PKN2: variants seen among roughly 807,000 people sequenced by gnomAD.
The protein encoded by PKN2 is serine/threonine-protein kinase N2.
A neutral mutation model predicts 119.1 loss-of-function variants in PKN2; 38 were observed. The observed-to-expected ratio is 0.32, with a 90% CI of 0.25 to 0.42. The LOEUF is 0.42. Ranked by LOEUF, PKN2 falls within the 10% of genes least tolerant of loss-of-function variation. The pLI, the probability that PKN2 is intolerant of heterozygous loss-of-function variation, is 1.00. For missense variants in PKN2, 850 were observed against 1,165.1 expected (o/e 0.73, Z 3.94); for synonymous variants, 390 against 384.9 (o/e 1.01, Z -0.15).
chr1:88,761,461 G>T (rs1352215016), intron 3 of PKN2, among the ~76,000 whole-genome samples: 1 of 150,676 alleles, frequency 6.6e-6, no homozygotes, highest in African/African-American at 2.4e-5. Flanking sequence ...TCTTAATCAT[G>T]CATCCTAACT....
intron 1 of PKN2, among the ~76,000 whole-genome samples, chr1:88,692,898 T>A (rs1666386730): frequency 6.6e-6 from 1 of 152,228 alleles, no homozygotes; most frequent in Non-Finnish European, 1.5e-5. Flanking sequence ...CAGGCTTGTA[T>A]TTAATATCTA....
chr1:88,832,920 C>A (rs1232772396), intron 20 of PKN2, 69 bp downstream of exon 20: 1 of 1,204,474 alleles, frequency 8.3e-7, no homozygotes, highest in South Asian at 1.5e-5. Flanking sequence ...AGAAAATTTC[C>A]CAGTAGAACT....
intron 15 of PKN2, among the ~76,000 whole-genome samples, chr1:88,811,353 A>G (rs1671777059): frequency 6.6e-6 from 1 of 152,212 alleles, no homozygotes; most frequent in Admixed American, 6.5e-5. Context: ...TAAAATAACT[A>G]TTTATATAAG....
chr1:88,790,179 TA>T (rs1557613244), intron 8 of PKN2, among the ~76,000 whole-genome samples: 1 of 152,250 alleles, frequency 6.6e-6, no homozygotes, highest in Non-Finnish European at 1.5e-5. Flanking sequence ...TTTGTTTTAC[TA>T]TCATCTTGAG....
At chr1:88,814,002 A>G (rs190910979) in intron 16 of PKN2, among the ~76,000 whole-genome samples, 476 of 152,204 alleles carry the variant, frequency 3.1e-3, no homozygotes, top group Non-Finnish European at 5.4e-3. Flanking sequence ...TTTTTTTGCT[A>G]TTAGATTTTC....
chr1:88,809,871 G>T (rs149629563), intron 15 of PKN2, among the ~76,000 whole-genome samples: 1 of 151,768 alleles, frequency 6.6e-6, no homozygotes, highest in Non-Finnish European at 1.5e-5. Flanking sequence ...TTGGCCTCCC[G>T]AAGTGTTGTG....
In PKN2 at chr1:88,784,767, A is replaced by G; in HGVS notation, c.1114A>G (p.Thr372Ala). The G allele has an allele frequency of 3.7e-6, 6 of 1,612,636 alleles. No homozygotes were observed. The highest frequency in any genetic ancestry group is 5.1e-6 in the Non-Finnish European group (6 of 1,179,172). Residue 372 changes from threonine to alanine, a missense_variant, in exon 7 of 22, where the codon ACG becomes GCG. Physicochemically the swap from Thr to Ala is moderately conservative, Grantham distance 58. Transcript: ENST00000370521. ...SETRSSFMSR[T>A]SKSKSGSSRN... The stretch of plus-strand genomic sequence containing the variant: ...AACCAGATCATCTTTCATGAGCAGA[A>G]CGAGTAAAAGTAAAAGCGGAAGTAG...
chr1:88,771,923 A>G (rs1557600598), intron 6 of PKN2, 44 bp downstream of exon 6: 8 of 1,323,128 alleles, frequency 6.0e-6, no homozygotes, highest in South Asian at 2.5e-5. Flanking sequence ...ATTTTTGTCT[A>G]TAACTGGTTC....
At chr1:88,694,856 T>C (rs183770729) in intron 1 of PKN2, among the ~76,000 whole-genome samples, 3 of 152,194 alleles carry the variant, frequency 2.0e-5, no homozygotes, top group Non-Finnish European at 2.9e-5. Context: ...TTTTTGAATA[T>C]GGAGATAGGT....
chr1:88,741,329 TAA>T (rs140465430), intron 2 of PKN2, 41 bp downstream of exon 2: 1 of 1,241,340 alleles, frequency 8.1e-7, no homozygotes. Flanking sequence ...GGTATATTAA[TAA>T]AAAAAATGTA....
At chr1:88,755,736 A>G (rs1385940581) in intron 2 of PKN2, among the ~76,000 whole-genome samples, 7 of 152,116 alleles carry the variant, frequency 4.6e-5, no homozygotes, top group Non-Finnish European at 7.3e-5. Context: ...GACCATACCA[A>G]TGAGTAGCAA....
At chr1:88,786,975 C>T (rs1027966955) in intron 8 of PKN2, among the ~76,000 whole-genome samples, 1 of 143,338 alleles carries the variant, frequency 7.0e-6, no homozygotes, top group African/African-American at 2.6e-5. Context: ...AATTCTTTCC[C>T]AGTTTTAAAA....
At chr1:88,736,071 T>C (rs1366370504) in intron 1 of PKN2, among the ~76,000 whole-genome samples, 25 of 152,196 alleles carry the variant, frequency 1.6e-4, no homozygotes, top group Admixed American at 1.6e-3. Flanking sequence ...TCAAATAGCT[T>C]GTCTTCAAGC....
At chr1:88,824,008 C>CAA (rs3061489) in intron 17 of PKN2, among the ~76,000 whole-genome samples, 68,340 of 116,310 alleles carry the variant, frequency 0.59, 18,296 homozygotes, top group Middle Eastern at 0.8. Flanking sequence ...GACTCTGTCT[C>CAA]AAAAAAAAAA....
chr1:88,691,536 G>A (rs1666333308), intron 1 of PKN2, among the ~76,000 whole-genome samples: 1 of 152,020 alleles, frequency 6.6e-6, no homozygotes, highest in Admixed American at 6.5e-5. Context: ...ACACTGCATT[G>A]GATTAATCAC....
chr1:88,824,271 A>ATTT, intron 17 of PKN2, 39 bp from the exon 18 acceptor site: 3 of 880,702 alleles, frequency 3.4e-6, no homozygotes, highest in Admixed American at 2.4e-5. Flanking sequence ...GATTTCTTTG[A>ATTT]TTTTTTTTTT....
chr1:88,739,190 C>G (rs1474084397), intron 1 of PKN2, among the ~76,000 whole-genome samples: 1 of 151,982 alleles, frequency 6.6e-6, no homozygotes, highest in East Asian at 1.9e-4. Flanking sequence ...TAGCTAGAAA[C>G]AGGCTGGGCA....
chr1:88,809,718 C>T (rs1671702898), intron 15 of PKN2, among the ~76,000 whole-genome samples: 1 of 152,114 alleles, frequency 6.6e-6, no homozygotes, highest in Non-Finnish European at 1.5e-5. Context: ...AATTCCTGGG[C>T]TCAAGCCATC....
intron 16 of PKN2, among the ~76,000 whole-genome samples, chr1:88,814,961 A>G (rs981824585): frequency 6.6e-6 from 1 of 152,174 alleles, no homozygotes; most frequent in Non-Finnish European, 1.5e-5. Context: ...GAGAATTGTA[A>G]TACTGTCATA....
Sources: gnomAD v4.1 joint callset for allele counts (sites outside exome capture counted in the v4.1 genomes callset) on GRCh38, gnomAD v4.1.1 for gene constraint, MANE v1.5 for transcripts, NCBI Gene and HGNC (gene_info 2026-07-23, HGNC 2026-07-21) for gene names.